SCGB2B2: variants seen among roughly 807,000 people sequenced by gnomAD.
SCGB2B2 encodes secretoglobin family 2B member 2, also known as secretoglobin-like protein.
Under a neutral mutation model 7.6 loss-of-function variants are expected in SCGB2B2, and 11 were observed. The ratio of observed to expected loss-of-function variants is 1.45; its 90% CI spans 0.91 to 2.40. SCGB2B2 has a LOEUF of 2.40. Ranked by LOEUF, SCGB2B2 falls within the 30% of genes most tolerant of loss-of-function variation. SCGB2B2 has a pLI of 0.00. For missense variants in SCGB2B2, 104 were observed against 115.4 expected (o/e 0.90, Z 0.45); for synonymous variants, 50 against 48.6 (o/e 1.03, Z -0.12).
chr19:34,617,356 T>G (rs2145876179), intron 1 of SCGB2B2, among the ~76,000 whole-genome samples: 1 of 151,478 alleles, frequency 6.6e-6, no homozygotes, highest in East Asian at 1.9e-4. Context: ...CCTCTTTTAT[T>G]TCATTGAGCA....
intron 1 of SCGB2B2, among the ~76,000 whole-genome samples, chr19:34,652,945 G>C (rs961759252): frequency 6.6e-6 from 1 of 151,174 alleles, no homozygotes; most frequent in Non-Finnish European, 1.5e-5. Context: ...ACAAAACATG[G>C]AATCGACTTA....
Position 34,594,800 on chromosome 19 carries a change from G to A in SCGB2B2, c.-237C>T, listed in dbSNP as rs1243041521. 3.0e-5 allele frequency: 17 copies of A among 557,524 alleles called. No homozygotes were observed. The highest frequency in any genetic ancestry group is 4.3e-5 in the Non-Finnish European group (13 of 305,508). The allele number at this position is 557,524 out of a possible 1,614,324, so 34.5% of individuals were successfully genotyped here. A position where few individuals can be genotyped will look rare whatever the true frequency, so the allele number is the denominator to read the frequency against. Reference sequence around the variant, plus strand: ...GAACTGGACTCAGCATGCAGTGGGAGGGGTTGGGTGTTGTGACATTCTCTC... The same window carrying A: ...GAACTGGACTCAGCATGCAGTGGGAAGGGTTGGGTGTTGTGACATTCTCTC... On this transcript the variant is annotated 5_prime_UTR_variant, in exon 2 of 4. Coordinates refer to ENST00000601241, the MANE Select transcript of SCGB2B2 (RefSeq NM_001025591.4).
At chr19:34,614,886 A>C (rs564134706) in intron 1 of SCGB2B2, among the ~76,000 whole-genome samples, 1 of 152,220 alleles carries the variant, frequency 6.6e-6, no homozygotes, top group African/African-American at 2.4e-5. Context: ...AATGTTATCA[A>C]TAACTATGAG....
intron 1 of SCGB2B2, among the ~76,000 whole-genome samples, chr19:34,630,626 G>A (rs1352312568): frequency 1.3e-5 from 2 of 151,924 alleles, no homozygotes; most frequent in Admixed American, 6.6e-5. Context: ...AGGTGCTGGA[G>A]AGGATGTGGA....
intron 1 of SCGB2B2, among the ~76,000 whole-genome samples, chr19:34,620,625 C>T (rs539660334): frequency 8.1e-4 from 123 of 152,156 alleles, no homozygotes; most frequent in Non-Finnish European, 1.5e-3. Flanking sequence ...TGTAACAAAC[C>T]TGCACGTTGT....
intron 3 of SCGB2B2, 44 bp downstream of exon 3, chr19:34,594,131 C>G (rs376568366): frequency 6.7e-7 from 1 of 1,491,836 alleles, no homozygotes; most frequent in South Asian, 1.2e-5. Context: ...AAGCCTGGGA[C>G]GTGTGGCCAT....
At chr19:34,670,051 G>A (rs2067761954) in intron 1 of SCGB2B2, among the ~76,000 whole-genome samples, 1 of 152,122 alleles carries the variant, frequency 6.6e-6, no homozygotes. Context: ...CCTGGTCATG[G>A]GGTGCTTCAG....
intron 1 of SCGB2B2, among the ~76,000 whole-genome samples, chr19:34,636,280 T>C (rs551536834): frequency 1.3e-5 from 2 of 152,232 alleles, no homozygotes; most frequent in African/African-American, 4.8e-5. Context: ...CACAGGACTC[T>C]TGGGGGGCTA....
At chr19:34,635,939 G>GC (rs914816404) in intron 1 of SCGB2B2, among the ~76,000 whole-genome samples, 3 of 152,164 alleles carry the variant, frequency 2.0e-5, no homozygotes, top group Non-Finnish European at 2.9e-5. Context: ...TCTCCCACAT[G>GC]CCCCCCGTGT....
intron 1 of SCGB2B2, among the ~76,000 whole-genome samples, chr19:34,658,655 C>T (rs1452416067): frequency 3.9e-5 from 6 of 151,928 alleles, no homozygotes; most frequent in Admixed American, 2.6e-4. Flanking sequence ...GATTCACAGC[C>T]GAATTCTACC....
chr19:34,590,298 C>T (rs542155630), downstream of SCGB2B2, among the ~76,000 whole-genome samples: 1 of 152,318 alleles, frequency 6.6e-6, no homozygotes, highest in East Asian at 1.9e-4. Flanking sequence ...TGACCTCTCT[C>T]AAATGGAACA....
At chr19:34,656,688 T>C (rs561204215) in intron 1 of SCGB2B2, among the ~76,000 whole-genome samples, 12 of 151,494 alleles carry the variant, frequency 7.9e-5, no homozygotes, top group Non-Finnish European at 5.9e-5. Context: ...AAAAATCTGA[T>C]GTTAAACTTC....
chr19:34,587,591 A>T (rs151207373), downstream of SCGB2B2, among the ~76,000 whole-genome samples: 7 of 152,288 alleles, frequency 4.6e-5, no homozygotes, highest in East Asian at 1.4e-3. Flanking sequence ...AAAAATGGAC[A>T]TTCTTGCCTT....
chr19:34,615,892 T>C (rs533666456), intron 1 of SCGB2B2, among the ~76,000 whole-genome samples: 6 of 143,048 alleles, frequency 4.2e-5, no homozygotes, highest in East Asian at 4.3e-4. Context: ...CCTGTGTCCA[T>C]GTGTTCTCAT....
At chr19:34,594,088 A>C (rs527423922) in intron 3 of SCGB2B2, 87 bp downstream of exon 3, 70 of 1,107,018 alleles carry the variant, frequency 6.3e-5, no homozygotes, top group Non-Finnish European at 9.1e-5. Context: ...TAAAACGTGG[A>C]AAGCAGGATG....
chr19:34,655,556 A>G (rs1354198860), intron 1 of SCGB2B2, among the ~76,000 whole-genome samples: 1 of 151,206 alleles, frequency 6.6e-6, no homozygotes, highest in Non-Finnish European at 1.5e-5. Context: ...TTGATGTATT[A>G]TGTCTCCCTA....
chr19:34,615,117 A>G (rs2066034944), intron 1 of SCGB2B2, among the ~76,000 whole-genome samples: 1 of 152,148 alleles, frequency 6.6e-6, no homozygotes, highest in Non-Finnish European at 1.5e-5. Context: ...ATCTGTGGCT[A>G]TTAGCCCCCA....
intron 1 of SCGB2B2, among the ~76,000 whole-genome samples, chr19:34,671,453 T>G (rs572618568): frequency 6.6e-6 from 1 of 150,750 alleles, no homozygotes; most frequent in Non-Finnish European, 1.5e-5. Context: ...CTTTTTTTTT[T>G]GCTATTCTAA....
At chr19:34,606,952 G>T (rs2065798472) in intron 1 of SCGB2B2, among the ~76,000 whole-genome samples, 1 of 152,086 alleles carries the variant, frequency 6.6e-6, no homozygotes, top group Non-Finnish European at 1.5e-5. Context: ...TATTAATCGT[G>T]GCCACCACGC....
Sources: allele counts gnomAD v4.1 joint callset (sites outside exome capture counted in the v4.1 genomes callset), GRCh38; gene constraint gnomAD v4.1.1; transcripts MANE v1.5; gene names NCBI Gene and HGNC (gene_info 2026-07-23, HGNC 2026-07-21).